Variants in NBAS observed in about 807,000 individuals in gnomAD.
NBAS encodes the protein NAG/BC035112 fusion.
A neutral mutation model predicts 302.5 loss-of-function variants in NBAS; 219 were observed. That is an observed-to-expected ratio of 0.72 (90% confidence interval 0.65 to 0.81). The LOEUF (loss-of-function observed/expected upper bound fraction) is 0.81. Among genes scored for constraint, NBAS ranks in the 30% least tolerant of loss-of-function variants. NBAS has a pLI of 0.00. For synonymous variants in NBAS, 1,118 were observed against 1,021.6 expected (o/e 1.09, Z -1.80); for missense variants, 2,932 against 2,841.6 (o/e 1.03, Z -0.72).
At chr2:15,295,639 G>T (rs529830191) in intron 40 of NBAS, among the ~76,000 whole-genome samples, 10 of 152,320 alleles carry the variant, frequency 6.6e-5, no homozygotes, top group African/African-American at 2.2e-4. Flanking sequence ...GTTTAAGTGT[G>T]CCTCTACTGT....
intron 42 of NBAS, among the ~76,000 whole-genome samples, chr2:15,281,842 A>G (rs951944401): frequency 6.6e-6 from 1 of 152,232 alleles, no homozygotes; most frequent in Non-Finnish European, 1.5e-5. Context: ...GGAGAAAAAC[A>G]GTGTTAAGGA....
chr2:15,285,843 C>G (rs532980052), intron 42 of NBAS, among the ~76,000 whole-genome samples: 1 of 152,246 alleles, frequency 6.6e-6, no homozygotes, highest in East Asian at 1.9e-4. Flanking sequence ...TTAGTAGAGA[C>G]AGGGTTTCTC....
chr2:14,923,370 T>C, the NBAS span, among the ~76,000 whole-genome samples: 7 of 152,054 alleles, frequency 4.6e-5, no homozygotes, highest in Admixed American at 4.6e-4. Flanking sequence ...TAAATGCTAA[T>C]AGAGTTTGTG....
In NBAS at chr2:15,178,303, A is replaced by C. The variant is rs1211300168; in HGVS notation, c.6840+685T>G. Reference sequence around the variant, plus strand: ...ACAGACATACATACACTTCAAATGAAAGAATGATCTCCACACAAAAGGGCT... The same window carrying C: ...ACAGACATACATACACTTCAAATGACAGAATGATCTCCACACAAAAGGGCT... On this transcript the variant is annotated intron_variant, in intron 51 of 51. Transcript: ENST00000281513. The C allele has an allele frequency of 2.2e-5, 7 of 323,586 alleles. No individual in the cohort carries two copies. In the Admixed American group the frequency reaches 2.2e-4, roughly 10 times the overall value. The allele number at this position is 323,586 out of a possible 1,614,324, so 20.0% of individuals were successfully genotyped here. A position where few individuals can be genotyped will look rare whatever the true frequency, so the allele number is the denominator to read the frequency against.
chr2:14,961,374 C>G, the NBAS span, among the ~76,000 whole-genome samples: 1 of 152,112 alleles, frequency 6.6e-6, no homozygotes, highest in African/African-American at 2.4e-5. Context: ...GGCTTGGTGC[C>G]ACACTGGAAG....
chr2:14,916,619 A>C, the NBAS span, among the ~76,000 whole-genome samples: 2 of 152,210 alleles, frequency 1.3e-5, no homozygotes, highest in African/African-American at 4.8e-5. Context: ...CAAAAGCTGA[A>C]AAGTGATTTT....
At chr2:15,501,225 T>C (rs1056440035) in intron 11 of NBAS, among the ~76,000 whole-genome samples, 6 of 150,858 alleles carry the variant, frequency 4.0e-5, no homozygotes, top group Non-Finnish European at 7.4e-5. Context: ...GGTGTGAACC[T>C]GGCAGGTGGA....
At chr2:14,821,118 G>A in the NBAS span, among the ~76,000 whole-genome samples, 1 of 152,068 alleles carries the variant, frequency 6.6e-6, no homozygotes, top group African/African-American at 2.4e-5. Flanking sequence ...AGTAGAGACG[G>A]GGTTTCACCG....
chr2:14,902,904 G>A, the NBAS span, among the ~76,000 whole-genome samples: 3 of 152,120 alleles, frequency 2.0e-5, no homozygotes, highest in Non-Finnish European at 2.9e-5. Flanking sequence ...TAAACAAGGT[G>A]AGAATGTTCT....
chr2:15,466,732 G>A (rs950582362), intron 19 of NBAS, among the ~76,000 whole-genome samples: 2 of 152,114 alleles, frequency 1.3e-5, no homozygotes, highest in Non-Finnish European at 2.9e-5. Flanking sequence ...GAGTCTAGAA[G>A]TTCAAAACCA....
the NBAS span, among the ~76,000 whole-genome samples, chr2:14,963,316 A>G: frequency 6.6e-6 from 1 of 152,294 alleles, no homozygotes; most frequent in South Asian, 2.1e-4. Flanking sequence ...CTATGGGAAT[A>G]CAACCACACT....
chr2:14,835,166 T>G, the NBAS span, among the ~76,000 whole-genome samples: 1 of 151,982 alleles, frequency 6.6e-6, no homozygotes, highest in African/African-American at 2.4e-5. Flanking sequence ...GAACAGATTT[T>G]TGAGGTAAGA....
At chr2:15,044,992 T>C in the NBAS span, among the ~76,000 whole-genome samples, 1 of 152,188 alleles carries the variant, frequency 6.6e-6, no homozygotes, top group South Asian at 2.1e-4. Context: ...CCCTAAGGGA[T>C]GGTGTATCAA....
intron 48 of NBAS, among the ~76,000 whole-genome samples, chr2:15,216,830 C>T (rs563775741): frequency 6.6e-6 from 1 of 152,196 alleles, no homozygotes; most frequent in African/African-American, 2.4e-5. Context: ...TCTGACATAA[C>T]ATAAAGTGAG....
the NBAS span, among the ~76,000 whole-genome samples, chr2:15,091,651 G>A: frequency 2.6e-5 from 4 of 151,814 alleles, no homozygotes; most frequent in African/African-American, 9.7e-5. Flanking sequence ...TTGTGCCTCA[G>A]CCTACAGAGT....
At chr2:14,914,123 C>T in the NBAS span, among the ~76,000 whole-genome samples, 1 of 152,158 alleles carries the variant, frequency 6.6e-6, no homozygotes, top group African/African-American at 2.4e-5. Flanking sequence ...GAGACTTATT[C>T]ACTACCACGA....
At chr2:15,076,967 T>C in the NBAS span, among the ~76,000 whole-genome samples, 1 of 152,244 alleles carries the variant, frequency 6.6e-6, no homozygotes, top group Non-Finnish European at 1.5e-5. Context: ...CACACTTCTA[T>C]GTTTGTCCAT....
At chr2:14,864,517 A>T in the NBAS span, among the ~76,000 whole-genome samples, 1 of 152,282 alleles carries the variant, frequency 6.6e-6, no homozygotes, top group Non-Finnish European at 1.5e-5. Context: ...CAGTTCTTTA[A>T]GTTTTCTAAA....
chr2:15,273,994 G>A (rs10929358), intron 44 of NBAS, among the ~76,000 whole-genome samples: 30,337 of 151,750 alleles, frequency 0.2, 3,839 homozygotes, highest in East Asian at 0.55. Flanking sequence ...GCAGGAGAAT[G>A]GCATGAACCC....
Sources: allele counts gnomAD v4.1 joint callset (sites outside exome capture counted in the v4.1 genomes callset), GRCh38; gene constraint gnomAD v4.1.1; transcripts MANE v1.5; gene names NCBI Gene and HGNC (gene_info 2026-07-23, HGNC 2026-07-21).